SV2C: variants seen among roughly 807,000 people sequenced by gnomAD.
SV2C encodes solute carrier family 22 member B3.
A neutral mutation model predicts 79.7 loss-of-function variants in SV2C; 49 were observed. That is an observed-to-expected ratio of 0.61 (90% CI 0.49 to 0.78). The LOEUF (loss-of-function observed/expected upper bound fraction) is 0.78. Among genes scored for constraint, SV2C ranks in the 30% least tolerant of loss-of-function variants. The pLI is 0.00. For synonymous variants in SV2C, 334 were observed against 333.2 expected (o/e 1.00, Z -0.03); for missense variants, 833 against 912.9 (o/e 0.91, Z 1.13).
the SV2C span, among the ~76,000 whole-genome samples, chr5:76,004,780 G>A: frequency 6.6e-6 from 1 of 152,120 alleles, no homozygotes; most frequent in African/African-American, 2.4e-5. Flanking sequence ...TATACATTAG[G>A]AAACAAGTTT....
In SV2C at chr5:76,301,242, TGC is replaced by T. The variant is rs771417130; in HGVS notation, c.1841-143_1841-142del. On this transcript the variant is annotated intron_variant, in intron 11 of 12. Transcript: ENST00000502798. ...AGTTAGAGCCTTTCATTCAGGTGAATGCACCAGTTCTTGAGCTTTATGGAGCC... is the reference window on the plus strand; with the variant it reads ...AGTTAGAGCCTTTCATTCAGGTGAATACCAGTTCTTGAGCTTTATGGAGCC... The T allele has an allele frequency of 2.8e-5, 30 of 1,054,386 alleles. No individual in the cohort carries two copies. The East Asian group carries it at 7.4e-4, about 26-fold the overall frequency. 65.3% of individuals were successfully genotyped at this position (1,054,386 alleles called of 1,614,324 possible). A position where few individuals can be genotyped will look rare whatever the true frequency, so the allele number is the denominator to read the frequency against.
the SV2C span, among the ~76,000 whole-genome samples, chr5:75,874,238 G>A: frequency 6.6e-6 from 1 of 152,134 alleles, no homozygotes; most frequent in Non-Finnish European, 1.5e-5. Flanking sequence ...TGGGATGCAA[G>A]GTTGGTTCAA....
intron 12 of SV2C, chr5:76,311,370 A>G (rs1748434410): frequency 6.6e-6 from 1 of 152,280 alleles, no homozygotes; most frequent in Non-Finnish European, 1.5e-5. Context: ...TGAAGAAGCC[A>G]GGAATACTTG....
chr5:76,061,268 TAA>T, the SV2C span, among the ~76,000 whole-genome samples: 15 of 51,614 alleles, frequency 2.9e-4, no homozygotes, highest in African/African-American at 7.1e-4. Context: ...CTTCAATTTG[TAA>T]AAAAAAAAAA....
At chr5:75,954,285 G>A in the SV2C span, among the ~76,000 whole-genome samples, 56,151 of 151,716 alleles carry the variant, frequency 0.37, 11,309 homozygotes, top group African/African-American at 0.49. Flanking sequence ...GAAGAAAATG[G>A]CAGGCTAAGT....
intron 2 of SV2C, among the ~76,000 whole-genome samples, chr5:76,149,803 C>A (rs1749546996): frequency 6.6e-6 from 1 of 152,218 alleles, no homozygotes; most frequent in African/African-American, 2.4e-5. Flanking sequence ...TCCCTAATCA[C>A]ATTTACAGCT....
chr5:75,956,154 C>T, the SV2C span, among the ~76,000 whole-genome samples: 107 of 143,172 alleles, frequency 7.5e-4, no homozygotes, highest in Middle Eastern at 3.5e-3. Context: ...CCCAAATGTC[C>T]AACAATGATA....
chr5:75,995,313 G>C, the SV2C span, among the ~76,000 whole-genome samples: 1 of 151,990 alleles, frequency 6.6e-6, no homozygotes, highest in East Asian at 1.9e-4. Context: ...TATTGCTCTG[G>C]CTTGCATGTA....
chr5:76,132,416 A>T (rs781645320), intron 2 of SV2C, 86 bp downstream of exon 2: 17 of 1,326,284 alleles, frequency 1.3e-5, no homozygotes, highest in Non-Finnish European at 1.7e-5. Flanking sequence ...AATACTTTTC[A>T]TCTAGAGTAC....
the SV2C span, among the ~76,000 whole-genome samples, chr5:75,963,767 G>A: frequency 3.3e-5 from 5 of 152,054 alleles, no homozygotes; most frequent in South Asian, 4.2e-4. Context: ...CATTTTCTCT[G>A]TTCTCTCTTC....
the SV2C span, chr5:75,920,667 C>T: frequency 1.5e-6 from 1 of 682,964 alleles, no homozygotes; most frequent in African/African-American, 1.8e-5. Flanking sequence ...GAACTGCCCT[C>T]ACTCCTGCAG....
chr5:76,153,239 C>A (rs187154093), intron 2 of SV2C, among the ~76,000 whole-genome samples: 2 of 152,288 alleles, frequency 1.3e-5, no homozygotes, highest in African/African-American at 4.8e-5. Context: ...TCTTAGTGGA[C>A]TGACTTGAGT....
At chr5:76,090,240 G>A (rs1460689680) in intron 1 of SV2C, among the ~76,000 whole-genome samples, 2 of 152,184 alleles carry the variant, frequency 1.3e-5, no homozygotes, top group Non-Finnish European at 2.9e-5. Context: ...GCTACATTTG[G>A]TTTAGTGTTC....
In SV2C at chr5:76,349,501, G is replaced by C. The variant is rs1374234096; in HGVS notation, c.2001-3629G>C. Among the ~76,000 whole-genome samples, 4 of 152,106 alleles carry C rather than the reference G, an allele frequency of 2.6e-5. No homozygotes were observed. In the East Asian group the frequency reaches 7.7e-4, roughly 29 times the overall value. On this transcript the variant is annotated intron_variant, in intron 12 of 12. Transcript: ENST00000322285. ...CACTCCAGCCTGGGCACTCCAGATGGAGCAAGACTTCATCTCAAAAAATAA... is the reference window on the plus strand; with the variant it reads ...CACTCCAGCCTGGGCACTCCAGATGCAGCAAGACTTCATCTCAAAAAATAA...
At chr5:76,324,361 G>C (rs1308439242) in intron 12 of SV2C, among the ~76,000 whole-genome samples, 1 of 152,194 alleles carries the variant, frequency 6.6e-6, no homozygotes, top group Non-Finnish European at 1.5e-5. Flanking sequence ...AGTCACTCTT[G>C]TAAAGAGATG....
the SV2C span, among the ~76,000 whole-genome samples, chr5:76,030,285 T>TAATTTATTTATTTA: frequency 9.1e-6 from 1 of 109,960 alleles, no homozygotes; most frequent in African/African-American, 5.4e-5. Flanking sequence ...TTTTTTTTTT[T>TAATTTATTTATTTA]TTTTTTTATT....
chr5:76,278,194 C>T (rs1336806350), intron 4 of SV2C, among the ~76,000 whole-genome samples: 1 of 151,642 alleles, frequency 6.6e-6, no homozygotes, highest in Non-Finnish European at 1.5e-5. Context: ...GTGTGTTCAA[C>T]AAACATTAAA....
chr5:76,113,941 T>A (rs778135994), intron 1 of SV2C, among the ~76,000 whole-genome samples: 2 of 151,704 alleles, frequency 1.3e-5, no homozygotes, highest in East Asian at 3.9e-4. Context: ...CACACACACA[T>A]ATATACACAT....
chr5:75,999,419 G>A, the SV2C span, among the ~76,000 whole-genome samples: 2 of 150,968 alleles, frequency 1.3e-5, no homozygotes, highest in African/African-American at 4.9e-5. Flanking sequence ...GAATGATTGT[G>A]AGAAATTAGC....
Sources: allele counts gnomAD v4.1 joint callset (sites outside exome capture counted in the v4.1 genomes callset), GRCh38; gene constraint gnomAD v4.1.1; transcripts MANE v1.5; gene names NCBI Gene and HGNC (gene_info 2026-07-23, HGNC 2026-07-21).